The following THADA variants were observed in gnomAD, a reference collection of about 807,000 sequenced individuals.
THADA encodes tRNA (32-2'-O)-methyltransferase regulator THADA.
In THADA, 213 loss-of-function variants were observed where a neutral mutation model predicts 219.8. The ratio of observed to expected loss-of-function variants is 0.97; its 90% confidence interval spans 0.87 to 1.09. The LOEUF is 1.09. THADA is among the 50% of genes least tolerant of loss of function. The probability of loss-of-function intolerance (pLI) is 0.00; values close to 1 mark genes in which losing one functional copy is unlikely to be tolerated. For missense variants in THADA, 2,956 were observed against 2,311.3 expected (o/e 1.28, Z -5.72); for synonymous variants, 1,018 against 828.9 (o/e 1.23, Z -3.92).
Position 43,480,530 on chromosome 2 carries a change from A to G in THADA, c.3836+4704T>C, listed in dbSNP as rs142376236. Among the ~76,000 whole-genome samples, 135 of 152,256 alleles carry G rather than the reference A, an allele frequency of 8.9e-4. 1 individual carries two copies. The highest frequency in any genetic ancestry group is 2.0e-3 in the Admixed American group (31 of 15,292). On this transcript the variant is annotated intron_variant, in intron 26 of 37. Transcript: ENST00000405975. Reference sequence around the variant, plus strand: ...GAACTGTTTGGGTTTGAGGATGTTAATATTACCCTGGCCGCTCACGCCTAT... The same window carrying G: ...GAACTGTTTGGGTTTGAGGATGTTAGTATTACCCTGGCCGCTCACGCCTAT...
rs147787881 is a variant in THADA at position 43,452,105 on chromosome 2, T to G, written c.3837-21803A>C. Among the ~76,000 whole-genome samples, 721 of 152,216 alleles carry G rather than the reference T, an allele frequency of 4.7e-3. 3 individuals are homozygous for G. The highest frequency in any genetic ancestry group is 7.1e-3 in the Non-Finnish European group (484 of 68,020). On this transcript the variant is annotated intron_variant, in intron 26 of 37. Coordinates refer to ENST00000405975, the MANE Select transcript of THADA (RefSeq NM_022065.5). ...CTTGGTGACAGAGCGAGACTCCATC[T>G]CAGAAAGAAAGAAAGAAAAAAGAAA...
At chr2:43,540,489 A>G (rs1336131146) in intron 21 of THADA, among the ~76,000 whole-genome samples, 2 of 152,246 alleles carry the variant, frequency 1.3e-5, no homozygotes, top group Non-Finnish European at 2.9e-5. Context: ...ATTTTTAAAA[A>G]GTTAAAAATG....
chr2:43,249,357 G>C (rs1669582366), intron 36 of THADA, among the ~76,000 whole-genome samples: 1 of 152,268 alleles, frequency 6.6e-6, no homozygotes, highest in South Asian at 2.1e-4. Flanking sequence ...CAAAATGTGG[G>C]GTTACAGGTG....
chr2:43,463,031 T>C (rs1191856328), intron 26 of THADA: 1 of 152,194 alleles, frequency 6.6e-6, no homozygotes, highest in Non-Finnish European at 1.5e-5. Flanking sequence ...GGGATACACA[T>C]ACCACTTCCA....
chr2:43,235,213 C>G (rs1667895935), intron 36 of THADA, among the ~76,000 whole-genome samples: 1 of 152,182 alleles, frequency 6.6e-6, no homozygotes, highest in African/African-American at 2.4e-5. Context: ...CTCCTGACCT[C>G]AAGTGATTCA....
intron 22 of THADA, among the ~76,000 whole-genome samples, chr2:43,521,016 G>C (rs1574064481): frequency 8.0e-6 from 1 of 124,306 alleles, no homozygotes; most frequent in African/African-American, 3.1e-5. Flanking sequence ...GGAAGGGAGG[G>C]AAGGGAGGGA....
intron 22 of THADA, among the ~76,000 whole-genome samples, chr2:43,515,151 T>TATATATA (rs1691342390): frequency 1.6e-4 from 1 of 6,128 alleles, no homozygotes; most frequent in African/African-American, 8.3e-4. Context: ...TAATATATTT[T>TATATATA]ATATATTATA....
intron 36 of THADA, among the ~76,000 whole-genome samples, chr2:43,234,351 T>C (rs951582558): frequency 6.6e-6 from 1 of 152,118 alleles, no homozygotes; most frequent in Non-Finnish European, 1.5e-5. Flanking sequence ...TGTAAGCAGG[T>C]GAAAGTACTG....
At chr2:43,533,890 A>G (rs143339597) in intron 21 of THADA, among the ~76,000 whole-genome samples, 3,812 of 152,282 alleles carry the variant, frequency 0.025, 103 homozygotes, top group African/African-American at 0.07. Context: ...CATGTCTCCC[A>G]GAACTTAAAG....
At chr2:43,406,771 A>T (rs1372050017) in intron 28 of THADA, among the ~76,000 whole-genome samples, 1 of 152,176 alleles carries the variant, frequency 6.6e-6, no homozygotes, top group Non-Finnish European at 1.5e-5. Context: ...ACCCTGTACC[A>T]ATGAGCCACA....
intron 28 of THADA, among the ~76,000 whole-genome samples, chr2:43,410,656 C>T (rs545933396): frequency 1.7e-4 from 25 of 151,282 alleles, no homozygotes; most frequent in African/African-American, 4.4e-4. Context: ...TGTATGAGTC[C>T]GTTTACTTAA....
At chr2:43,380,147 CAA>C (rs1671825994) in intron 29 of THADA, among the ~76,000 whole-genome samples, 1 of 152,106 alleles carries the variant, frequency 6.6e-6, no homozygotes, top group African/African-American at 2.4e-5. Flanking sequence ...CTTTATAGTG[CAA>C]AGACTAAAGT....
At chr2:43,567,937 T>A (rs6544673) in intron 14 of THADA, among the ~76,000 whole-genome samples, 53,778 of 151,988 alleles carry the variant, frequency 0.35, 10,050 homozygotes, top group African/African-American at 0.46. Flanking sequence ...TTCCCCAAGG[T>A]ATTTTATGTC....
At chr2:43,435,767 T>A (rs1442658075) in intron 26 of THADA, among the ~76,000 whole-genome samples, 3 of 121,200 alleles carry the variant, frequency 2.5e-5, no homozygotes, top group Admixed American at 1.1e-4. Flanking sequence ...TGGGCAAGAG[T>A]GAGAACTTGC....
chr2:43,394,660 A>T (rs1673809851), intron 29 of THADA, among the ~76,000 whole-genome samples: 1 of 152,184 alleles, frequency 6.6e-6, no homozygotes, highest in Non-Finnish European at 1.5e-5. Flanking sequence ...GCCCTTCCCA[A>T]CTTAACCCTT....
intron 7 of THADA, among the ~76,000 whole-genome samples, chr2:43,584,640 T>C (rs1160437397): frequency 2.6e-5 from 4 of 152,070 alleles, no homozygotes; most frequent in Admixed American, 1.3e-4. Context: ...ACAATAACAA[T>C]AGTATTTCAG....
At chr2:43,588,445 G>A (rs1416213094) in intron 4 of THADA, among the ~76,000 whole-genome samples, 1 of 151,928 alleles carries the variant, frequency 6.6e-6, no homozygotes, top group Non-Finnish European at 1.5e-5. Context: ...TTTTTGTAAA[G>A]ACAAGACACC....
chr2:43,372,333 C>A (rs1027263721), intron 29 of THADA: 1 of 152,148 alleles, frequency 6.6e-6, no homozygotes, highest in Admixed American at 6.6e-5. Flanking sequence ...ATTCAGAGGA[C>A]ACATTAATAA....
At chr2:43,470,949 G>T (rs1684836928) in intron 26 of THADA, among the ~76,000 whole-genome samples, 1 of 152,176 alleles carries the variant, frequency 6.6e-6, no homozygotes. Context: ...TATGGGATGG[G>T]TAGTGATAAT....
Sources: allele counts gnomAD v4.1 joint callset (sites outside exome capture counted in the v4.1 genomes callset), GRCh38; gene constraint gnomAD v4.1.1; transcripts MANE v1.5; gene names NCBI Gene and HGNC (gene_info 2026-07-23, HGNC 2026-07-21).